Variants in ZNF469 observed in about 807,000 individuals in gnomAD.
ZNF469 encodes zinc finger protein 469.
ZNF469 carries 1 observed loss-of-function variant against 1.0 expected under a neutral mutation model. That is an observed-to-expected ratio of 1.00 (90% CI 0.35 to 4.73). The LOEUF (loss-of-function observed/expected upper bound fraction) is 4.73. Among genes scored for constraint, ZNF469 ranks in the 30% most tolerant of loss-of-function variants. ZNF469 has a pLI of 0.16. For missense variants in ZNF469, 6,100 were observed against 5,356.3 expected (o/e 1.14, Z -4.33); for synonymous variants, 2,703 against 2,363.4 (o/e 1.14, Z -4.17).
At chr16:88,392,282 C>T (rs1352553959) in intron 1 of ZNF469, among the ~76,000 whole-genome samples, 3 of 152,258 alleles carry the variant, frequency 2.0e-5, no homozygotes, top group Non-Finnish European at 2.9e-5. Context: ...CACGTATGCC[C>T]GCAGCTGCTG....
the ZNF469 span, among the ~76,000 whole-genome samples, chr16:88,261,396 C>T: frequency 1.3e-5 from 2 of 152,192 alleles, no homozygotes; most frequent in Non-Finnish European, 2.9e-5. This position sits in a 1 kb window ranked among gnomAD's most constrained non-coding sequence, Gnocchi z 6.0. Flanking sequence ...GGGGTAAGTA[C>T]ATGTGCCGCA....
the ZNF469 span, among the ~76,000 whole-genome samples, chr16:88,289,435 A>T: frequency 2.5e-5 from 3 of 121,958 alleles, no homozygotes; most frequent in African/African-American, 1.1e-4. Flanking sequence ...GACAAGGGTG[A>T]TGATGATATG....
the ZNF469 span, among the ~76,000 whole-genome samples, chr16:88,247,992 G>A: frequency 2.6e-4 from 40 of 152,242 alleles, no homozygotes; most frequent in African/African-American, 6.7e-4. Context: ...GCGGCTGGAC[G>A]GAAGGCTATC....
the ZNF469 span, among the ~76,000 whole-genome samples, chr16:88,202,149 G>A: frequency 6.6e-6 from 1 of 152,196 alleles, no homozygotes; most frequent in Admixed American, 6.5e-5. Context: ...CATGGACACG[G>A]CACCTGCGAA....
At position 88,434,935 on chromosome 16, in the gene ZNF469, C is replaced by A. The variant is rs1307661053; in HGVS notation, c.7465C>A (p.Arg2489=). 6.5e-7 allele frequency: 1 copy of A among 1,549,986 alleles called. No homozygotes were observed. Among genetic ancestry groups the A allele is most frequent in the Admixed American group, 2.0e-5 (1 of 50,990 alleles). ...CTTCCGCTCCGGGCCGGGCCTGAGC[C>A]GGCACAAGGCCAGGAAGCACCGGCC... is the stretch of plus-strand genomic sequence containing the variant. ...ASFRSGPGLS[R]HKARKHRPHP... is the part of the protein sequence containing the mutation. The change falls in exon 3 of 3, where the codon CGG becomes AGG. Residue 2489 remains arginine, a synonymous_variant. Transcript: ENST00000565624.
At chr16:88,116,445 A>G in the ZNF469 span, among the ~76,000 whole-genome samples, 1 of 152,226 alleles carries the variant, frequency 6.6e-6, no homozygotes, top group African/African-American at 2.4e-5. Context: ...CACCAGCTTG[A>G]CAGTTTCACC....
chr16:88,278,197 G>T, the ZNF469 span, among the ~76,000 whole-genome samples: 1 of 23,122 alleles, frequency 4.3e-5, no homozygotes. Flanking sequence ...GGTCAGTACC[G>T]TGTAGATATC....
In ZNF469 at chr16:88,430,797, C is replaced by T; in HGVS notation, c.3327C>T (p.Pro1109=). ...EEDEQPPPRG[P]GFRGRRGRGE... ...ACGAGCAGCCTCCGCCGCGGGGCCC[C>T]GGCTTCAGAGGCCGGCGGGGCCGAG... is the stretch of plus-strand genomic sequence containing the variant. Residue 1109 remains proline (P), a synonymous_variant, in exon 3 of 3, where the codon CCC becomes CCT. Transcript: ENST00000565624. 3 of 1,528,158 alleles carry T rather than the reference C, an allele frequency of 2.0e-6. No homozygotes were observed. The highest frequency in any genetic ancestry group is 2.6e-6 in the Non-Finnish European group (3 of 1,143,950). 94.7% of individuals were successfully genotyped at this position (1,528,158 alleles called of 1,614,324 possible).
chr16:88,397,169 G>A (rs1351068528), intron 1 of ZNF469, among the ~76,000 whole-genome samples: 1 of 152,236 alleles, frequency 6.6e-6, no homozygotes, highest in Admixed American at 6.5e-5. Flanking sequence ...TGTCTGACCA[G>A]CACAGCAAAA....
the ZNF469 span, among the ~76,000 whole-genome samples, chr16:88,167,849 A>C: frequency 7.9e-5 from 12 of 152,246 alleles, no homozygotes; most frequent in African/African-American, 2.2e-4. Context: ...ACCGCTCCTT[A>C]CAGCGATGAT....
the ZNF469 span, among the ~76,000 whole-genome samples, chr16:88,264,974 C>T: frequency 5.3e-5 from 8 of 152,102 alleles, no homozygotes; most frequent in Non-Finnish European, 1.2e-4. Context: ...CGGTTCTGTG[C>T]TCAGCAAGGG....
rs1874240607 is a variant in ZNF469, at chr16:88,428,266, G to A, written c.796G>A (p.Gly266Ser). 1.6e-5 allele frequency: 25 copies of A among 1,550,284 alleles called. No homozygotes were observed. Among genetic ancestry groups the A allele is most frequent in the Non-Finnish European group, 1.9e-5 (22 of 1,146,958 alleles). The change falls in exon 3 of 3, where the codon GGC (glycine) becomes AGC (serine). Residue 266 changes from glycine (G) to serine (S), a missense_variant. By Grantham distance (56) the Gly-to-Ser change is moderately conservative. Transcript: ENST00000565624. ...TATTCCCAAAGGCAGCAGGCCCGGC[G>A]GCAGCCCCAGGGGAGTTTCCTTCCA... ...EPIPKGSRPGGSPRGVSFQFP... is the reference protein window; with the variant it reads ...EPIPKGSRPGSSPRGVSFQFP...
chr16:88,334,845 A>G, the ZNF469 span, among the ~76,000 whole-genome samples: 1 of 152,038 alleles, frequency 6.6e-6, no homozygotes, highest in African/African-American at 2.4e-5. Context: ...GGGAGGACAC[A>G]TGTGACAGAG....
the ZNF469 span, among the ~76,000 whole-genome samples, chr16:88,375,051 G>A: frequency 1.3e-5 from 2 of 152,280 alleles, no homozygotes; most frequent in Admixed American, 6.5e-5. Flanking sequence ...AGCTGGGGCA[G>A]GGCCCTGGAA....
chr16:88,141,350 C>T, the ZNF469 span, among the ~76,000 whole-genome samples: 2 of 151,544 alleles, frequency 1.3e-5, no homozygotes, highest in East Asian at 3.9e-4. Context: ...ACATGCAGCC[C>T]GGGAAAGACG....
the ZNF469 span, among the ~76,000 whole-genome samples, chr16:88,269,719 C>T: frequency 6.6e-6 from 1 of 152,140 alleles, no homozygotes; most frequent in African/African-American, 2.4e-5. Flanking sequence ...TGACCAATCC[C>T]CCCAGCACAC....
At chr16:88,184,788 T>C in the ZNF469 span, among the ~76,000 whole-genome samples, 2 of 152,192 alleles carry the variant, frequency 1.3e-5, no homozygotes, top group Non-Finnish European at 2.9e-5. Context: ...TCCCTCAACC[T>C]CGTCACGCTG....
chr16:88,188,649 A>G, the ZNF469 span, among the ~76,000 whole-genome samples: 1 of 152,174 alleles, frequency 6.6e-6, no homozygotes, highest in Non-Finnish European at 1.5e-5. Flanking sequence ...GAACTTGCGT[A>G]TCAAACAAAC....
chr16:88,354,738 CAGGCTCCCA>C, the ZNF469 span, among the ~76,000 whole-genome samples: 8 of 152,346 alleles, frequency 5.3e-5, no homozygotes, highest in East Asian at 1.9e-4. Flanking sequence ...CCAAGCGGAC[CAGGCTCCCA>C]AGGCTCCCAA....
Sources: gnomAD v4.1 joint callset for allele counts (sites outside exome capture counted in the v4.1 genomes callset) on GRCh38, gnomAD v4.1.1 for gene constraint, Gnocchi (gnomAD v3.1) non-coding constraint, MANE v1.5 for transcripts, NCBI Gene and HGNC (gene_info 2026-07-23, HGNC 2026-07-21) for gene names.